Variants in TRPC7 observed in about 807,000 individuals in gnomAD.
TRPC7 encodes the protein short transient receptor potential channel 7.
Under a neutral mutation model 90.1 loss-of-function variants are expected in TRPC7, and 42 were observed. That is an observed-to-expected ratio of 0.47 (90% CI 0.36 to 0.60). The LOEUF (loss-of-function observed/expected upper bound fraction) is 0.60, where lower values mean the gene tolerates loss of function less well. TRPC7 is among the 20% of genes least tolerant of loss of function. The pLI is 0.00. For synonymous variants in TRPC7, 451 were observed against 436.3 expected (o/e 1.03, Z -0.42); for missense variants, 955 against 1,112.3 (o/e 0.86, Z 2.01).
chr5:136,315,747 C>T lies in TRPC7; in HGVS notation c.813G>A (p.Lys271=), dbSNP rs183133343. ...GGTCCAGCACGCCCACTACAAAATCCTTGCATTGCATAGATAACTTCCTGT... is the reference window on the plus strand; with the variant it reads ...GGTCCAGCACGCCCACTACAAAATCTTTGCATTGCATAGATAACTTCCTGT... The part of the protein sequence containing the change: ...NDYRKLSMQC[K]DFVVGVLDLC... The change falls in exon 3 of 12, where the codon AAG becomes AAA. Residue 271 remains lysine, a synonymous_variant. Transcript: ENST00000513104. 1.2e-5 allele frequency: 20 copies of T among 1,614,020 alleles called. No homozygotes were observed. In the East Asian group the frequency reaches 4.2e-4, roughly 34 times the overall value.
intron 2 of TRPC7, among the ~76,000 whole-genome samples, chr5:136,349,308 T>C (rs1176164436): frequency 6.6e-6 from 1 of 152,192 alleles, no homozygotes; most frequent in East Asian, 1.9e-4. Context: ...AGTTGTTTTC[T>C]TGTGCTGGAA....
rs185513128 is a variant in TRPC7 at position 136,258,840 on chromosome 5, C to T, written c.1346-6958G>A. 6.9e-4 allele frequency among the ~76,000 whole-genome samples: 105 copies of T among 152,324 alleles called. 1 individual carries two copies. The highest frequency in any genetic ancestry group is 2.5e-3 in the African/African-American group (102 of 41,576). On this transcript the variant is annotated intron_variant, in intron 5 of 11. Transcript: ENST00000513104. The stretch of plus-strand genomic sequence containing the variant: ...TACTGTCCCAGGGCATTGCATCTGC[C>T]TCTCTGTTCTCTCAGGCCAACTTCT...
intron 2 of TRPC7, among the ~76,000 whole-genome samples, chr5:136,332,357 A>C (rs1017744556): frequency 3.3e-5 from 5 of 152,142 alleles, no homozygotes; most frequent in Admixed American, 2.0e-4. Context: ...ACCTGCACGG[A>C]CTGTGACGAC....
chr5:136,248,104 A>C (rs1456552088), intron 6 of TRPC7, among the ~76,000 whole-genome samples: 1 of 152,124 alleles, frequency 6.6e-6, no homozygotes, highest in Non-Finnish European at 1.5e-5. Flanking sequence ...GGCACTCACC[A>C]GGCCACTTGC....
At chr5:136,306,593 C>T (rs953720788) in intron 3 of TRPC7, among the ~76,000 whole-genome samples, 5 of 152,178 alleles carry the variant, frequency 3.3e-5, no homozygotes, top group South Asian at 2.1e-4. Context: ...GCCAAGCCAT[C>T]GCATCCCCTG....
chr5:136,228,965 A>G (rs34336177), intron 8 of TRPC7, among the ~76,000 whole-genome samples: 1 of 152,144 alleles, frequency 6.6e-6, no homozygotes, highest in Admixed American at 6.5e-5. Context: ...CTCACAGCCA[A>G]CTGCAAGGCT....
intron 4 of TRPC7, among the ~76,000 whole-genome samples, chr5:136,267,912 C>T (rs571237202): frequency 2.0e-4 from 31 of 152,116 alleles, no homozygotes; most frequent in African/African-American, 6.3e-4. Flanking sequence ...AATAACATTT[C>T]TGTATAATGT....
intron 2 of TRPC7, among the ~76,000 whole-genome samples, chr5:136,325,777 T>G (rs1413121608): frequency 6.6e-6 from 1 of 151,958 alleles, no homozygotes; most frequent in Non-Finnish European, 1.5e-5. Flanking sequence ...GGCCAATTTG[T>G]GCTGACTTCC....
chr5:136,356,929 G>A lies in TRPC7; in HGVS notation c.459C>T (p.Ala153=). 1 of 1,613,566 alleles carries A rather than the reference G, an allele frequency of 6.2e-7. No homozygotes were observed. The highest frequency in any genetic ancestry group is 8.5e-7 in the Non-Finnish European group (1 of 1,179,904). ...AGAAGCGCGTGCCGTCCTCGTCGTA[G>A]GCATAGAAGTCGTCGTCGCGCAGCT... ...EQELRDDDFY[A]YDEDGTRFSH... is the part of the protein sequence containing the mutation. Residue 153 remains alanine (A), a synonymous_variant, in exon 2 of 12, where the codon GCC becomes GCT. Coordinates refer to ENST00000513104, the MANE Select transcript of TRPC7 (RefSeq NM_020389.3).
chr5:136,314,784 C>A (rs1440059089), intron 3 of TRPC7, among the ~76,000 whole-genome samples: 1 of 152,174 alleles, frequency 6.6e-6, no homozygotes, highest in Non-Finnish European at 1.5e-5. Flanking sequence ...TAAAACCCCT[C>A]AAAGACCAAA....
chr5:136,340,763 C>T lies in TRPC7; in HGVS notation c.780+15845G>A, dbSNP rs191995043. ...TGCAACACACAAAATAGACAAACGT[C>T]GATTTTTTTCATAAAATACAGTAAA... On this transcript the variant is annotated intron_variant, in intron 2 of 11. Coordinates refer to ENST00000513104, the MANE Select transcript of TRPC7 (RefSeq NM_020389.3). Among the ~76,000 whole-genome samples the T allele has an allele frequency of 7.9e-5, 12 of 151,680 alleles. No homozygotes were observed. The East Asian group carries it at 1.7e-3, about 22-fold the overall frequency.
chr5:136,330,862 A>G (rs1759476321), intron 2 of TRPC7, among the ~76,000 whole-genome samples: 1 of 152,080 alleles, frequency 6.6e-6, no homozygotes, highest in Non-Finnish European at 1.5e-5. Flanking sequence ...CCACTCCACC[A>G]CACCCTTTTT....
intron 3 of TRPC7, among the ~76,000 whole-genome samples, chr5:136,277,573 G>A (rs568509976): frequency 7.4e-4 from 113 of 152,246 alleles, no homozygotes; most frequent in African/African-American, 2.5e-3. Flanking sequence ...AGTAGCAAAT[G>A]AAGCACACCA....
At chr5:136,228,655 G>A (rs1755714492) in intron 8 of TRPC7, among the ~76,000 whole-genome samples, 3 of 151,988 alleles carry the variant, frequency 2.0e-5, no homozygotes, top group African/African-American at 7.3e-5. Flanking sequence ...GAATGGAGAG[G>A]CAGGTGCAGG....
intron 3 of TRPC7, among the ~76,000 whole-genome samples, chr5:136,304,072 G>T (rs1459367742): frequency 8.5e-6 from 1 of 118,182 alleles, no homozygotes. Flanking sequence ...CCCTTATTAG[G>T]CTGAGACACT....
At chr5:136,285,865 C>T (rs1171896026) in intron 3 of TRPC7, among the ~76,000 whole-genome samples, 1 of 152,194 alleles carries the variant, frequency 6.6e-6, no homozygotes, top group Non-Finnish European at 1.5e-5. Context: ...CTGAAATGCA[C>T]CAAGGCCTTC....
At chr5:136,299,872 G>C (rs1186155523) in intron 3 of TRPC7, among the ~76,000 whole-genome samples, 1 of 152,044 alleles carries the variant, frequency 6.6e-6, no homozygotes, top group Non-Finnish European at 1.5e-5. Flanking sequence ...GGGCATTGGG[G>C]GATTTATGTT....
chr5:136,225,013 T>C (rs1346456217), intron 10 of TRPC7, among the ~76,000 whole-genome samples: 1 of 152,218 alleles, frequency 6.6e-6, no homozygotes, highest in Admixed American at 6.5e-5. Flanking sequence ...TTTGAGGGCA[T>C]ACACTTATCT....
chr5:136,249,810 C>T (rs866544801), intron 6 of TRPC7, among the ~76,000 whole-genome samples: 1 of 152,156 alleles, frequency 6.6e-6, no homozygotes, highest in African/African-American at 2.4e-5. Context: ...TTGTTATCTG[C>T]GCATTTGGTG....
Sources: gnomAD v4.1 joint callset for allele counts (sites outside exome capture counted in the v4.1 genomes callset) on GRCh38, gnomAD v4.1.1 for gene constraint, MANE v1.5 for transcripts, NCBI Gene and HGNC (gene_info 2026-07-23, HGNC 2026-07-21) for gene names.